AMPH: variants seen among roughly 807,000 people sequenced by gnomAD.
AMPH encodes amphiphysin.
Under a neutral mutation model 99.1 loss-of-function variants are expected in AMPH, and 49 were observed. That is an observed-to-expected ratio of 0.49 (90% CI 0.39 to 0.63). The LOEUF (loss-of-function observed/expected upper bound fraction) is 0.63, where lower values mean the gene tolerates loss of function less well. Ranked by LOEUF, AMPH falls within the 20% of genes least tolerant of loss-of-function variation. AMPH has a pLI of 0.00. For synonymous variants in AMPH, 314 were observed against 317.3 expected, an observed-to-expected ratio of 0.99 and a Z score of 0.11; for missense variants, 759 against 863.4, an observed-to-expected ratio of 0.88 and a Z score of 1.52.
At chr7:38,618,888 T>A (rs1361980885) in intron 1 of AMPH, among the ~76,000 whole-genome samples, 2 of 152,222 alleles carry the variant, frequency 1.3e-5, no homozygotes, top group Non-Finnish European at 2.9e-5. Context: ...TTCAGTTAAT[T>A]ATGTAAAATG....
intron 1 of AMPH, among the ~76,000 whole-genome samples, chr7:38,594,665 T>C (rs981149626): frequency 1.1e-4 from 16 of 152,266 alleles, no homozygotes; most frequent in African/African-American, 3.4e-4. Flanking sequence ...CACATTTTCA[T>C]ATTTTTCTAG....
chr7:38,546,266 G>C (rs1012032762), intron 1 of AMPH, among the ~76,000 whole-genome samples: 5 of 152,146 alleles, frequency 3.3e-5, no homozygotes, highest in African/African-American at 1.2e-4. Flanking sequence ...AGCAGAACAG[G>C]CAATCAACAC....
intron 5 of AMPH, among the ~76,000 whole-genome samples, chr7:38,484,535 A>G (rs991697220): frequency 7.2e-5 from 11 of 152,252 alleles, no homozygotes; most frequent in African/African-American, 2.6e-4. Context: ...AGACATTGCT[A>G]GACAAACCAA....
At position 38,463,044 on chromosome 7, in the gene AMPH, C is replaced by T. The variant is rs776200593; in HGVS notation, c.819G>A (p.Pro273=). 9.9e-6 allele frequency: 16 copies of T among 1,610,958 alleles called. No homozygotes were observed. The highest frequency in any genetic ancestry group is 7.7e-5 in the South Asian group (7 of 90,692). The change falls in exon 10 of 21, where the codon CCG becomes CCA. Residue 273 remains proline, a synonymous_variant. Transcript: ENST00000356264. ...PPEEPSPLPS[P]TASPNHTLAP... Reference sequence around the variant, plus strand: ...CTAATGTATGATTTGGACTTGCTGTCGGGCTCGGGAGGGGTGAAGGCTCCT... The same window carrying T: ...CTAATGTATGATTTGGACTTGCTGTTGGGCTCGGGAGGGGTGAAGGCTCCT...
chr7:38,420,243 C>T (rs957474782), intron 16 of AMPH, among the ~76,000 whole-genome samples: 6 of 152,174 alleles, frequency 3.9e-5, no homozygotes, highest in African/African-American at 1.4e-4. Context: ...ATAGAGGCCA[C>T]CTTTCTATTC....
chr7:38,596,211 G>A (rs553663554), intron 1 of AMPH, among the ~76,000 whole-genome samples: 1 of 152,318 alleles, frequency 6.6e-6, no homozygotes, highest in African/African-American at 2.4e-5. Flanking sequence ...AGGTTTGAAA[G>A]TGGCCGGGAA....
intron 11 of AMPH, among the ~76,000 whole-genome samples, chr7:38,449,107 C>G (rs1203951531): frequency 1.3e-5 from 2 of 152,118 alleles, no homozygotes; most frequent in Middle Eastern, 3.4e-3. Flanking sequence ...GAGTAAAGGC[C>G]CTCCTACCAC....
chr7:38,447,543 T>C (rs752376466), intron 11 of AMPH, among the ~76,000 whole-genome samples: 7 of 152,124 alleles, frequency 4.6e-5, no homozygotes, highest in Non-Finnish European at 1.0e-4. Context: ...AAACATTTAG[T>C]AGTGATGCAT....
chr7:38,497,194 G>A (rs373292994), intron 3 of AMPH, among the ~76,000 whole-genome samples: 1 of 152,072 alleles, frequency 6.6e-6, no homozygotes, highest in South Asian at 2.1e-4. Flanking sequence ...TAGGGATTTA[G>A]GGATTACTCT....
At chr7:38,395,290 G>A (rs1209675811) in intron 17 of AMPH, among the ~76,000 whole-genome samples, 1 of 152,116 alleles carries the variant, frequency 6.6e-6, no homozygotes, top group Non-Finnish European at 1.5e-5. Flanking sequence ...AATCATTTTT[G>A]TAATCAAATA....
chr7:38,463,385 T>C (rs1348132615), intron 9 of AMPH, among the ~76,000 whole-genome samples: 1 of 152,136 alleles, frequency 6.6e-6, no homozygotes, highest in Admixed American at 6.5e-5. Flanking sequence ...AAGTGGGGCA[T>C]AGATAGGTTA....
At chr7:38,535,795 T>C (rs1027663335) in intron 1 of AMPH, among the ~76,000 whole-genome samples, 1 of 152,150 alleles carries the variant, frequency 6.6e-6, no homozygotes, top group African/African-American at 2.4e-5. Context: ...GAGAACCTAA[T>C]GCCGCTGCTG....
intron 1 of AMPH, among the ~76,000 whole-genome samples, chr7:38,557,266 G>A (rs1314599650): frequency 6.6e-6 from 1 of 152,196 alleles, no homozygotes; most frequent in Non-Finnish European, 1.5e-5. Flanking sequence ...TCACAGCCAT[G>A]GGTATAGTAG....
chr7:38,570,405 A>C (rs572885811), intron 1 of AMPH, among the ~76,000 whole-genome samples: 1 of 152,282 alleles, frequency 6.6e-6, no homozygotes, highest in Non-Finnish European at 1.5e-5. Context: ...CATGAGCCGC[A>C]TAATAATGTT....
rs759733838 is a variant in AMPH, at chr7:38,405,011, C to A, written c.1399-10797G>T. On this transcript the variant is annotated intron_variant, in intron 17 of 20. Coordinates refer to ENST00000356264, the MANE Select transcript of AMPH (RefSeq NM_001635.4). ...ATTCCAACAGACTAACAGTCAACTTCTCAGCAGAAACCTTATAAGCCAGAA... is the reference window on the plus strand; with the variant it reads ...ATTCCAACAGACTAACAGTCAACTTATCAGCAGAAACCTTATAAGCCAGAA... Among the ~76,000 whole-genome samples, 83 of 152,220 alleles carry A rather than the reference C, an allele frequency of 5.5e-4. 2 individuals are homozygous for A. The highest frequency in any genetic ancestry group is 1.8e-4 in the Non-Finnish European group (12 of 68,024).
chr7:38,474,243 CA>C (rs982464842), intron 7 of AMPH, among the ~76,000 whole-genome samples: 3 of 145,352 alleles, frequency 2.1e-5, no homozygotes, highest in Non-Finnish European at 3.0e-5. Context: ...ATAATGGCAC[CA>C]AAAAAATAAA....
At chr7:38,530,786 T>C (rs759145915) in intron 2 of AMPH, among the ~76,000 whole-genome samples, 33 of 152,182 alleles carry the variant, frequency 2.2e-4, no homozygotes, top group Non-Finnish European at 3.8e-4. Context: ...CCAGTCAATT[T>C]TGCTACTTGT....
At chr7:38,579,928 A>G (rs1792383193) in intron 1 of AMPH, among the ~76,000 whole-genome samples, 1 of 152,206 alleles carries the variant, frequency 6.6e-6, no homozygotes, top group Non-Finnish European at 1.5e-5. Flanking sequence ...TCGCCAGAAA[A>G]TGCATACCAG....
chr7:38,585,190 A>G lies in AMPH; in HGVS notation c.69+46093T>C, dbSNP rs562035427. 8.1e-4 allele frequency among the ~76,000 whole-genome samples: 123 copies of G among 152,318 alleles called. 5 individuals are homozygous for G. In the South Asian group the frequency reaches 0.024, roughly 30 times the overall value. ...ACAAGAACCCCATGGCATAGATACCACTATTATTCCATTTTTACAGTGAGG... is the reference window on the plus strand; with the variant it reads ...ACAAGAACCCCATGGCATAGATACCGCTATTATTCCATTTTTACAGTGAGG... On this transcript the variant is annotated intron_variant, in intron 1 of 20. Transcript: ENST00000356264.
Sources: gnomAD v4.1 joint callset for allele counts (sites outside exome capture counted in the v4.1 genomes callset) on GRCh38, gnomAD v4.1.1 for gene constraint, MANE v1.5 for transcripts, NCBI Gene and HGNC (gene_info 2026-07-23, HGNC 2026-07-21) for gene names.